Variants in YES1 observed in about 807,000 individuals in gnomAD.
The protein encoded by YES1 is tyrosine-protein kinase Yes.
A neutral mutation model predicts 70.4 loss-of-function variants in YES1; 39 were observed. The ratio of observed to expected loss-of-function variants is 0.55; its 90% CI spans 0.43 to 0.72. The LOEUF (loss-of-function observed/expected upper bound fraction) is 0.72. YES1 is among the 30% of genes least tolerant of loss of function. The pLI is 0.00. For missense variants in YES1, 495 were observed against 644.8 expected (o/e 0.77, Z 2.52); for synonymous variants, 198 against 218.6 (o/e 0.91, Z 0.83).
intron 1 of YES1, among the ~76,000 whole-genome samples, chr18:805,974 C>T (rs1907076815): frequency 6.6e-6 from 1 of 152,190 alleles, no homozygotes; most frequent in African/African-American, 2.4e-5. Context: ...ACCAGACAAT[C>T]TTGAAGTTTC....
chr18:758,275 T>G (rs1172547918), intron 1 of YES1, among the ~76,000 whole-genome samples: 1 of 152,200 alleles, frequency 6.6e-6, no homozygotes, highest in Non-Finnish European at 1.5e-5. Flanking sequence ...ACATCTCAAC[T>G]GGACTAGAGA....
intron 10 of YES1, among the ~76,000 whole-genome samples, chr18:735,161 C>CAAAAAAAAAAAAAAAAAAAAAAAAAAAA (rs71174281): frequency 2.7e-5 from 3 of 110,662 alleles, no homozygotes; most frequent in African/African-American, 1.0e-4. Context: ...TGTCTCAAAG[C>CAAAAAAAAAAAAAAAAAAAAAAAAAAAA]AAAAAAAAAA....
At chr18:798,790 C>T (rs1273782357) in intron 1 of YES1, among the ~76,000 whole-genome samples, 2 of 152,294 alleles carry the variant, frequency 1.3e-5, no homozygotes, top group South Asian at 2.1e-4. Flanking sequence ...GAATTTTAAG[C>T]CTCACTCTTA....
At chr18:768,875 G>C (rs1474702341) in intron 1 of YES1, among the ~76,000 whole-genome samples, 3 of 151,958 alleles carry the variant, frequency 2.0e-5, no homozygotes, top group African/African-American at 4.8e-5. Flanking sequence ...GCTAATTTTT[G>C]TATTTTTAGT....
intron 1 of YES1, among the ~76,000 whole-genome samples, chr18:776,152 T>G (rs779576075): frequency 1.4e-4 from 22 of 152,196 alleles, no homozygotes; most frequent in Admixed American, 3.9e-4. Context: ...CCAGCAAGCA[T>G]GAGAATTACC....
chr18:800,793 A>G (rs1906780565), intron 1 of YES1, among the ~76,000 whole-genome samples: 1 of 152,176 alleles, frequency 6.6e-6, no homozygotes, highest in Non-Finnish European at 1.5e-5. Flanking sequence ...CATGCCTATA[A>G]TCTCAGCACT....
chr18:787,395 G>A (rs1906018390), intron 1 of YES1, among the ~76,000 whole-genome samples: 1 of 151,668 alleles, frequency 6.6e-6, no homozygotes, highest in South Asian at 2.1e-4. Context: ...ACCGCGCCCA[G>A]CTGATACATA....
At chr18:782,886 G>C (rs1303362181) in intron 1 of YES1, among the ~76,000 whole-genome samples, 2 of 152,116 alleles carry the variant, frequency 1.3e-5, no homozygotes, top group African/African-American at 4.8e-5. Context: ...GTAGAGACAG[G>C]GTTTCGCCAT....
In YES1 at chr18:722,674, T is replaced by C. The variant is rs2079966926; in HGVS notation, c.*1750A>G. 6.6e-6 allele frequency: 1 copy of C among 152,230 alleles called. No individual in the cohort carries two copies. Among genetic ancestry groups the C allele is most frequent in the Non-Finnish European group, 1.5e-5 (1 of 68,046 alleles). 9.4% of individuals were successfully genotyped at this position (152,230 alleles called of 1,614,324 possible). ...AGTCTTATTTTGTATGTTTCACTTT[T>C]GCACTTTAGGGTAAAAACTGTCCCC... On this transcript the variant is annotated 3_prime_UTR_variant, in exon 12 of 12. Transcript: ENST00000314574.
At chr18:807,193 G>C (rs1047631170) in intron 1 of YES1, among the ~76,000 whole-genome samples, 5 of 152,136 alleles carry the variant, frequency 3.3e-5, no homozygotes, top group Non-Finnish European at 5.9e-5. Flanking sequence ...AATTAGCCGG[G>C]CGTGGTGGTG....
At chr18:804,990 T>C (rs576449509) in intron 1 of YES1, among the ~76,000 whole-genome samples, 3 of 151,944 alleles carry the variant, frequency 2.0e-5, no homozygotes, top group African/African-American at 7.3e-5. Flanking sequence ...GCAATTTGCT[T>C]GAGAAAGTTC....
intron 2 of YES1, among the ~76,000 whole-genome samples, chr18:753,146 T>C (rs940914154): frequency 1.3e-5 from 2 of 152,140 alleles, no homozygotes; most frequent in Non-Finnish European, 2.9e-5. Context: ...TCAAGGCAGG[T>C]ATTCAGGTTA....
Position 765,202 on chromosome 18 carries a change from A to T in YES1, c.-8-8367T>A, listed in dbSNP as rs557826107. On this transcript the variant is annotated intron_variant, in intron 1 of 11. Transcript: ENST00000314574. ...AATACCTCCATAGATACGAAAAGAT[A>T]ATCATCAACTTCAAGACACTGGACA... Among the ~76,000 whole-genome samples, 18 of 144,128 alleles carry T rather than the reference A, an allele frequency of 1.2e-4. 1 individual carries two copies. Among genetic ancestry groups the T allele is most frequent in the South Asian group, 1.1e-3 (5 of 4,446 alleles). 94.6% of individuals were successfully genotyped at this position (144,128 alleles called of 152,430 possible).
At chr18:754,835 C>T (rs1057070248) in intron 2 of YES1, among the ~76,000 whole-genome samples, 1 of 152,024 alleles carries the variant, frequency 6.6e-6, no homozygotes, top group Non-Finnish European at 1.5e-5. Flanking sequence ...GATCATTAAT[C>T]ATCCATCCTG....
intron 1 of YES1, among the ~76,000 whole-genome samples, chr18:795,166 G>A (rs1254811037): frequency 6.6e-6 from 1 of 152,128 alleles, no homozygotes; most frequent in Admixed American, 6.5e-5. Context: ...TGCAAATTAG[G>A]TAACTGTATT....
At chr18:735,158 A>G (rs2080137424) in intron 10 of YES1, among the ~76,000 whole-genome samples, 1 of 147,780 alleles carries the variant, frequency 6.8e-6, no homozygotes, top group Non-Finnish European at 1.5e-5. Context: ...CTGTGTCTCA[A>G]AGCAAAAAAA....
chr18:805,314 A>C (rs1907045241), intron 1 of YES1, among the ~76,000 whole-genome samples: 1 of 152,198 alleles, frequency 6.6e-6, no homozygotes. Context: ...TTGTGTATTT[A>C]AACATAACTA....
Position 747,973 on chromosome 18 carries a change from A to G in YES1, c.417T>C (p.Asn139=). The part of the protein sequence containing the change: ...WEARSIATGK[N]GYIPSNYVAP... ...CTACATAATTGCTCGGGATATAACCATTCTTTCCTGTAGCGATTGATCTTG... is the reference window on the plus strand; with the variant it reads ...CTACATAATTGCTCGGGATATAACCGTTCTTTCCTGTAGCGATTGATCTTG... The change falls in exon 4 of 12, where the codon AAT becomes AAC. Residue 139 remains asparagine (N), a synonymous_variant. Coordinates refer to ENST00000314574, the MANE Select transcript of YES1 (RefSeq NM_005433.4). The G allele has an allele frequency of 6.2e-7, 1 of 1,613,942 alleles. No individual in the cohort carries two copies. The highest frequency in any genetic ancestry group is 8.5e-7 in the Non-Finnish European group (1 of 1,179,990).
chr18:747,898 A>C, intron 4 of YES1, 22 bp downstream of exon 4: 7 of 1,602,974 alleles, frequency 4.4e-6, no homozygotes, highest in Non-Finnish European at 6.0e-6. Flanking sequence ...AATAATTAAT[A>C]AAATATGAAG....
Sources: gnomAD v4.1 joint callset for allele counts (sites outside exome capture counted in the v4.1 genomes callset) on GRCh38, gnomAD v4.1.1 for gene constraint, MANE v1.5 for transcripts, NCBI Gene and HGNC (gene_info 2026-07-23, HGNC 2026-07-21) for gene names.